RARB: variants seen among roughly 807,000 people sequenced by gnomAD.
RARB encodes retinoic acid receptor beta.
Under a neutral mutation model 51.9 loss-of-function variants are expected in RARB, and 17 were observed. That is an observed-to-expected ratio of 0.33 (90% CI 0.22 to 0.49). The LOEUF (loss-of-function observed/expected upper bound fraction) is 0.49, where lower values mean the gene tolerates loss of function less well. RARB is among the 20% of genes least tolerant of loss of function. The pLI is 0.99. For synonymous variants in RARB, 215 were observed against 195.4 expected, an observed-to-expected ratio of 1.10 and a Z score of -0.84; for missense variants, 369 against 550.8, an observed-to-expected ratio of 0.67 and a Z score of 3.30.
Position 25,330,166 on chromosome 3 carries a change from T to G in RARB, c.179-131027T>G, listed in dbSNP as rs146070839. On this transcript the variant is annotated intron_variant, in intron 5 of 11. Coordinates refer to the RARB transcript ENST00000383772. ...TTCCAATTCAGGAAATACAGAGAAC[T>G]CCACAAAGATACTCCCCGAGAAGAG... 8.4e-3 allele frequency among the ~76,000 whole-genome samples: 1,274 copies of G among 151,206 alleles called. 23 individuals are homozygous for G. The highest frequency in any genetic ancestry group is 0.03 in the African/African-American group (1,220 of 41,190).
At chr3:25,478,548 A>G (rs543009320) in intron 2 of RARB, among the ~76,000 whole-genome samples, 7 of 152,294 alleles carry the variant, frequency 4.6e-5, no homozygotes, top group African/African-American at 1.4e-4. Flanking sequence ...CAGGGGACAC[A>G]CTCACTCAGT....
At chr3:25,475,136 G>A (rs531547764) in intron 2 of RARB, among the ~76,000 whole-genome samples, 1 of 152,252 alleles carries the variant, frequency 6.6e-6, no homozygotes, top group South Asian at 2.1e-4. Flanking sequence ...TCACAGGATT[G>A]ATATCCCAGA....
intron 3 of RARB, among the ~76,000 whole-genome samples, chr3:25,064,990 G>C (rs767001357): frequency 5.3e-5 from 8 of 152,124 alleles, no homozygotes; most frequent in Non-Finnish European, 1.0e-4. Flanking sequence ...CAAGGAGTTC[G>C]TGCATAGGAG....
intron 2 of RARB, among the ~76,000 whole-genome samples, chr3:25,497,084 A>C (rs1399185170): frequency 1.3e-5 from 2 of 152,140 alleles, no homozygotes; most frequent in East Asian, 3.9e-4. Context: ...GGCTTTCTCC[A>C]CGTTGGTCAG....
chr3:24,911,302 G>T (rs1694984917), intron 2 of RARB, among the ~76,000 whole-genome samples: 1 of 152,134 alleles, frequency 6.6e-6, no homozygotes, highest in South Asian at 2.1e-4. Context: ...GGATTGTTCT[G>T]TTCGATTGTA....
At chr3:25,020,029 T>C (rs1697595041) in intron 2 of RARB, 1 of 152,082 alleles carries the variant, frequency 6.6e-6, no homozygotes, top group Middle Eastern at 3.4e-3. Flanking sequence ...CTTTCTTATA[T>C]GAGTAAGTAT....
chr3:25,227,143 G>A (rs971414189), intron 5 of RARB, among the ~76,000 whole-genome samples: 1 of 152,178 alleles, frequency 6.6e-6, no homozygotes, highest in African/African-American at 2.4e-5. Flanking sequence ...GTTCTTTGAT[G>A]GGCTCGTGGG....
At chr3:25,476,299 T>C (rs1695938626) in intron 2 of RARB, among the ~76,000 whole-genome samples, 1 of 152,210 alleles carries the variant, frequency 6.6e-6, no homozygotes, top group Non-Finnish European at 1.5e-5. Flanking sequence ...CCCATAACCA[T>C]GTGGTTCTCA....
intron 2 of RARB, among the ~76,000 whole-genome samples, chr3:24,863,027 A>G (rs1309394253): frequency 1.3e-5 from 2 of 152,192 alleles, no homozygotes; most frequent in African/African-American, 4.8e-5. Flanking sequence ...GGGGAAAGGC[A>G]CAGAGGCAGA....
chr3:25,363,632 C>T (rs1038199000), intron 5 of RARB, among the ~76,000 whole-genome samples: 1 of 152,196 alleles, frequency 6.6e-6, no homozygotes, highest in Non-Finnish European at 1.5e-5. Context: ...GTCCAAGCCA[C>T]CATTGCTTCT....
chr3:24,953,171 G>A (rs1485274315), intron 2 of RARB, among the ~76,000 whole-genome samples: 2 of 152,124 alleles, frequency 1.3e-5, no homozygotes, highest in African/African-American at 4.8e-5. Context: ...AAATTTGAAT[G>A]TGAAGTGGTA....
At chr3:25,257,549 A>G (rs997975336) in intron 5 of RARB, among the ~76,000 whole-genome samples, 1 of 152,028 alleles carries the variant, frequency 6.6e-6, no homozygotes, top group Non-Finnish European at 1.5e-5. Context: ...GAATAATGAG[A>G]TATAACATCT....
At chr3:25,283,001 G>A (rs1264949665) in intron 5 of RARB, among the ~76,000 whole-genome samples, 5 of 152,162 alleles carry the variant, frequency 3.3e-5, no homozygotes, top group African/African-American at 4.8e-5. Flanking sequence ...GTAAGAACAC[G>A]GAGGAGCGAC....
intron 2 of RARB, among the ~76,000 whole-genome samples, chr3:24,964,809 G>A (rs1696218279): frequency 6.6e-6 from 1 of 152,208 alleles, no homozygotes; most frequent in Non-Finnish European, 1.5e-5. Flanking sequence ...TAAAGGCGAT[G>A]TCCCCGCTTT....
At chr3:25,462,875 G>A (rs1382740048) in intron 2 of RARB, among the ~76,000 whole-genome samples, 4 of 152,172 alleles carry the variant, frequency 2.6e-5, no homozygotes, top group African/African-American at 4.8e-5. Context: ...CAGAACAAAA[G>A]CACATAAGGT....
chr3:25,044,116 A>G (rs955487249), intron 2 of RARB, among the ~76,000 whole-genome samples: 7 of 152,210 alleles, frequency 4.6e-5, no homozygotes, highest in Non-Finnish European at 8.8e-5. Flanking sequence ...TTCAGGGAAG[A>G]ATTTTAAACA....
intron 2 of RARB, among the ~76,000 whole-genome samples, chr3:24,991,407 C>T (rs541548092): frequency 2.0e-5 from 3 of 149,952 alleles, no homozygotes; most frequent in African/African-American, 7.5e-5. Flanking sequence ...CACTCCATTG[C>T]ATTCCAGCCT....
chr3:25,210,340 C>T (rs1042053216), intron 5 of RARB, among the ~76,000 whole-genome samples: 10 of 151,876 alleles, frequency 6.6e-5, no homozygotes, highest in African/African-American at 2.4e-4. Context: ...ATCATCTTGA[C>T]CACAGGCCAG....
chr3:25,193,254 G>C (rs1701147150), intron 5 of RARB, among the ~76,000 whole-genome samples: 1 of 151,942 alleles, frequency 6.6e-6, no homozygotes, highest in South Asian at 2.1e-4. Flanking sequence ...CCATTCAAAG[G>C]AAGAATGAAG....
Sources: allele counts gnomAD v4.1 joint callset (sites outside exome capture counted in the v4.1 genomes callset), GRCh38; gene constraint gnomAD v4.1.1; transcripts MANE v1.5; gene names NCBI Gene and HGNC (gene_info 2026-07-23, HGNC 2026-07-21).